PSMD1: variants seen among roughly 807,000 people sequenced by gnomAD.
PSMD1 encodes the protein 26S proteasome non-ATPase regulatory subunit 1.
A neutral mutation model predicts 119.0 loss-of-function variants in PSMD1; 18 were observed. The observed-to-expected ratio is 0.15, with a 90% CI of 0.10 to 0.22. The LOEUF is 0.22. Ranked by LOEUF, PSMD1 falls within the 10% of genes least tolerant of loss-of-function variation. The pLI is 1.00. For synonymous variants in PSMD1, 374 were observed against 396.6 expected (o/e 0.94, Z 0.68); for missense variants, 702 against 1,158.5 (o/e 0.61, Z 5.72).
At chr2:231,162,158 G>A (rs1026783727) in intron 20 of PSMD1, among the ~76,000 whole-genome samples, 12 of 152,214 alleles carry the variant, frequency 7.9e-5, no homozygotes, top group Non-Finnish European at 1.6e-4. Flanking sequence ...CACATTTGTG[G>A]TCATATTTTT....
At chr2:231,153,763 G>T (rs1696420674) in intron 19 of PSMD1, 97 bp downstream of exon 19, 2 of 872,056 alleles carry the variant, frequency 2.3e-6, no homozygotes, top group Admixed American at 5.8e-5. Flanking sequence ...AATTGAGTCT[G>T]AGGCAAATTA....
At chr2:231,085,200 C>A in intron 15 of PSMD1, 86 bp downstream of exon 15, 1 of 1,075,014 alleles carries the variant, frequency 9.3e-7, no homozygotes, top group Non-Finnish European at 1.4e-6. Flanking sequence ...CCAGCATCCA[C>A]AGCGCATGAC....
At chr2:231,169,268 A>G (rs1220557039) in intron 23 of PSMD1, among the ~76,000 whole-genome samples, 1 of 152,200 alleles carries the variant, frequency 6.6e-6, no homozygotes, top group Admixed American at 6.5e-5. Context: ...CACATTTTCC[A>G]AAAAATAGAA....
At chr2:231,059,883 G>C (rs1693713358) in intron 1 of PSMD1, among the ~76,000 whole-genome samples, 1 of 152,126 alleles carries the variant, frequency 6.6e-6, no homozygotes, top group South Asian at 2.1e-4. Context: ...GGAGTGTAGA[G>C]TATTTGATTT....
rs1243323057 is a variant in PSMD1, at chr2:231,170,755, CT to C, written c.*9+37del. On this transcript the variant is annotated intron_variant, in intron 24 of 24. Coordinates refer to ENST00000308696, the MANE Select transcript of PSMD1 (RefSeq NM_002807.4). The surrounding 1 kb of genome is among the most constrained non-coding windows in gnomAD (Gnocchi z 4.1). ...GCAACAAAATTATGAAGGGAAACTTCTTTGTCAATACTTCACAAATGTTTTT... is the reference window on the plus strand; with the variant it reads ...GCAACAAAATTATGAAGGGAAACTTCTTGTCAATACTTCACAAATGTTTTT... 1 of 1,530,450 alleles carries C rather than the reference CT, an allele frequency of 6.5e-7. No homozygotes were observed. Among genetic ancestry groups the C allele is most frequent in the African/African-American group, 1.4e-5 (1 of 71,958 alleles). 94.8% of individuals were successfully genotyped at this position (1,530,450 alleles called of 1,614,324 possible).
intron 1 of PSMD1, among the ~76,000 whole-genome samples, chr2:231,058,215 A>ATTCTATATGAGG (rs1693658830): frequency 6.6e-6 from 1 of 152,156 alleles, no homozygotes; most frequent in Non-Finnish European, 1.5e-5. Flanking sequence ...GTTTCTTGCC[A>ATTCTATATGAGG]CCTATAGGCC....
chr2:231,063,933 G>A (rs970035096), intron 4 of PSMD1, among the ~76,000 whole-genome samples: 3 of 151,988 alleles, frequency 2.0e-5, no homozygotes, highest in Admixed American at 2.0e-4. Context: ...CAAAGTGTTG[G>A]AATTAACAGG....
At chr2:231,060,974 A>G (rs906350210) in intron 1 of PSMD1, among the ~76,000 whole-genome samples, 1 of 152,206 alleles carries the variant, frequency 6.6e-6, no homozygotes, top group African/African-American at 2.4e-5. Flanking sequence ...GGGGCCGAGA[A>G]TGTGTATTTC....
At chr2:231,121,330 C>T (rs1293433649) in intron 16 of PSMD1, among the ~76,000 whole-genome samples, 1 of 151,820 alleles carries the variant, frequency 6.6e-6, no homozygotes, top group Admixed American at 6.6e-5. Context: ...GAGTTTGAGG[C>T]CAGCCCAGGC....
chr2:231,167,486 A>G (rs1349500733), intron 23 of PSMD1, among the ~76,000 whole-genome samples: 1 of 152,242 alleles, frequency 6.6e-6, no homozygotes, highest in Non-Finnish European at 1.5e-5. Context: ...GATAGCTATA[A>G]CAGTTGGTCC....
chr2:231,064,656 A>G (rs1693852990), intron 4 of PSMD1, among the ~76,000 whole-genome samples: 1 of 152,020 alleles, frequency 6.6e-6, no homozygotes, highest in Non-Finnish European at 1.5e-5. Context: ...TATAACATCC[A>G]CTGTGTTTTT....
chr2:231,144,058 T>C (rs1696193620), intron 17 of PSMD1, among the ~76,000 whole-genome samples: 1 of 152,206 alleles, frequency 6.6e-6, no homozygotes, highest in African/African-American at 2.4e-5. Context: ...AGATGTTACC[T>C]TACTCTAATA....
chr2:231,101,878 T>C (rs1317456039), intron 16 of PSMD1, among the ~76,000 whole-genome samples: 1 of 152,220 alleles, frequency 6.6e-6, no homozygotes. Flanking sequence ...TGGAGTGCAG[T>C]GGTGTGATCA....
chr2:231,116,238 T>C (rs1269378327), intron 16 of PSMD1, among the ~76,000 whole-genome samples: 1 of 152,142 alleles, frequency 6.6e-6, no homozygotes, highest in African/African-American at 2.4e-5. Flanking sequence ...TTTTAGAGTT[T>C]GCAGTGGAAA....
chr2:231,060,091 G>T (rs567342121), intron 1 of PSMD1, among the ~76,000 whole-genome samples: 14 of 152,192 alleles, frequency 9.2e-5, no homozygotes, highest in Non-Finnish European at 1.8e-4. Context: ...TACATTTAAA[G>T]CATTCTGGCC....
At chr2:231,060,320 T>G (rs1693723930) in intron 1 of PSMD1, 1 of 152,222 alleles carries the variant, frequency 6.6e-6, no homozygotes, top group Non-Finnish European at 1.5e-5. Flanking sequence ...AAAGATTGCT[T>G]AAGCTATTTG....
chr2:231,096,228 G>A (rs1694721600), intron 16 of PSMD1, among the ~76,000 whole-genome samples: 1 of 152,190 alleles, frequency 6.6e-6, no homozygotes, highest in Non-Finnish European at 1.5e-5. Flanking sequence ...GCTTGCCTAA[G>A]ACAGAATCCC....
chr2:231,145,315 T>C (rs1696227523), intron 17 of PSMD1, among the ~76,000 whole-genome samples: 1 of 152,174 alleles, frequency 6.6e-6, no homozygotes, highest in Admixed American at 6.5e-5. Flanking sequence ...GCAGTTATGG[T>C]AAAAATACAG....
chr2:231,170,447 G>C lies in PSMD1; in HGVS notation c.2716-119G>C, dbSNP rs1219893672. ...TTTATCCCAGTAAAGTTCTACTCCA[G>C]TTTTTCACTTCCAAATCATTTAAGT... On this transcript the variant is annotated intron_variant, in intron 23 of 24. Transcript: ENST00000308696. The surrounding 1 kb of genome is among the most constrained non-coding windows in gnomAD (Gnocchi z 4.1). The C allele has an allele frequency of 7.0e-6, 8 of 1,142,498 alleles. No homozygotes were observed. Among genetic ancestry groups the C allele is most frequent in the Non-Finnish European group, 9.6e-6 (8 of 835,092 alleles). The allele number at this position is 1,142,498 out of a possible 1,614,324, so 70.8% of individuals were successfully genotyped here. A position where few individuals can be genotyped will look rare whatever the true frequency, so the allele number is the denominator to read the frequency against.
Sources: allele counts gnomAD v4.1 joint callset (sites outside exome capture counted in the v4.1 genomes callset), GRCh38; gene constraint gnomAD v4.1.1; non-coding constraint Gnocchi (gnomAD v3.1); transcripts MANE v1.5; gene names NCBI Gene and HGNC (gene_info 2026-07-23, HGNC 2026-07-21).